NRG1: variants seen among roughly 807,000 people sequenced by gnomAD.
The protein encoded by NRG1 is neuregulin 1.
In NRG1, 18 loss-of-function variants were observed where a neutral mutation model predicts 63.8. The observed-to-expected ratio is 0.28, with a 90% CI of 0.19 to 0.42. NRG1 has a LOEUF of 0.42. Among genes scored for constraint, NRG1 ranks in the 10% least tolerant of loss-of-function variants. The pLI, the probability that NRG1 is intolerant of heterozygous loss-of-function variation, is 1.00. For missense variants in NRG1, 762 were observed against 814.7 expected (o/e 0.94, Z 0.79); for synonymous variants, 302 against 301.3 (o/e 1.00, Z -0.02).
intron 1 of NRG1, among the ~76,000 whole-genome samples, chr8:31,654,686 A>G (rs1805247862): frequency 6.6e-6 from 1 of 152,196 alleles, no homozygotes; most frequent in South Asian, 2.1e-4. Flanking sequence ...GCCTGTAATC[A>G]CAGTGCTTTG....
chr8:31,866,699 T>C (rs1183387745), intron 1 of NRG1, among the ~76,000 whole-genome samples: 3 of 152,186 alleles, frequency 2.0e-5, no homozygotes, highest in African/African-American at 4.8e-5. Context: ...TTATTCTCTG[T>C]AAGAGCTTGT....
intron 1 of NRG1, among the ~76,000 whole-genome samples, chr8:31,775,764 T>C (rs1819059986): frequency 1.3e-5 from 2 of 151,054 alleles, no homozygotes; most frequent in Admixed American, 6.6e-5. Context: ...GTGCCTGTAG[T>C]CCCAGCTACT....
intron 1 of NRG1, among the ~76,000 whole-genome samples, chr8:31,753,603 C>T (rs986050742): frequency 2.6e-5 from 4 of 152,134 alleles, no homozygotes; most frequent in South Asian, 2.1e-4. Flanking sequence ...GTGGAGACTG[C>T]GGCATTCACC....
chr8:31,853,218 C>G (rs970609890), intron 1 of NRG1, among the ~76,000 whole-genome samples: 2 of 152,120 alleles, frequency 1.3e-5, no homozygotes, highest in Non-Finnish European at 2.9e-5. Context: ...GTCATTTTCA[C>G]GATATTGATT....
At position 32,517,207 on chromosome 8, in the gene NRG1, C is replaced by T. The variant is rs192494426; in HGVS notation, c.38-78621C>T. ...TTTTCCAACCACATTGTCCTCTTTT[C>T]TTTTTATAAAATACATCAAATTCCT... On this transcript the variant is annotated intron_variant, in intron 1 of 10. Coordinates refer to the NRG1 transcript ENST00000519301. Among the ~76,000 whole-genome samples the T allele has an allele frequency of 2.8e-3, 428 of 152,204 alleles. 3 individuals are homozygous for T. The highest frequency in any genetic ancestry group is 9.9e-3 in the African/African-American group (411 of 41,554).
chr8:32,400,255 G>A (rs1812999367), intron 1 of NRG1, among the ~76,000 whole-genome samples: 1 of 152,104 alleles, frequency 6.6e-6, no homozygotes, highest in Non-Finnish European at 1.5e-5. Flanking sequence ...AGGCCAATGT[G>A]GGTGAATCAC....
chr8:32,347,118 C>G (rs556625741), intron 1 of NRG1, among the ~76,000 whole-genome samples: 60 of 152,206 alleles, frequency 3.9e-4, no homozygotes, highest in African/African-American at 1.4e-3. Context: ...CATGAGCCAC[C>G]GTGCCCGGCC....
At chr8:32,581,463 C>A (rs898678611) in intron 1 of NRG1, among the ~76,000 whole-genome samples, 2 of 152,176 alleles carry the variant, frequency 1.3e-5, no homozygotes, top group Non-Finnish European at 2.9e-5. Context: ...CACAGATTGA[C>A]TTTGCTCATT....
At chr8:32,595,766 G>A in intron 1 of NRG1, 62 bp from the exon 2 acceptor site, 3 of 1,489,456 alleles carry the variant, frequency 2.0e-6, no homozygotes, top group Non-Finnish European at 1.8e-6. Context: ...CAGATTAAAT[G>A]TTTCTCTTTG....
intron 5 of NRG1, among the ~76,000 whole-genome samples, chr8:32,628,749 T>C (rs571564493): frequency 1.3e-5 from 2 of 150,030 alleles, no homozygotes; most frequent in South Asian, 4.2e-4. Flanking sequence ...TTTTTTTTTT[T>C]TGATATGAAG....
intron 9 of NRG1, 117 bp downstream of exon 9, chr8:32,756,646 C>T (rs1348824766): frequency 2.2e-6 from 3 of 1,366,282 alleles, no homozygotes; most frequent in Non-Finnish European, 2.9e-6. Flanking sequence ...ACCATGGCTT[C>T]CAGGAATCCA....
At chr8:32,404,502 A>G (rs1314001731) in intron 1 of NRG1, among the ~76,000 whole-genome samples, 2 of 148,308 alleles carry the variant, frequency 1.3e-5, no homozygotes, top group East Asian at 3.9e-4. Flanking sequence ...CAGCATTCAC[A>G]CCTCCATTTC....
intron 1 of NRG1, among the ~76,000 whole-genome samples, chr8:32,249,860 T>C (rs1367261914): frequency 6.6e-6 from 1 of 151,988 alleles, no homozygotes; most frequent in African/African-American, 2.4e-5. Context: ...CATTGCAAAA[T>C]GGAGAACATT....
chr8:32,106,358 T>C (rs2131401944), intron 1 of NRG1, among the ~76,000 whole-genome samples: 1 of 152,358 alleles, frequency 6.6e-6, no homozygotes, highest in Non-Finnish European at 1.5e-5. Flanking sequence ...TGGAAGTCAG[T>C]TAAAATGTAT....
At chr8:32,619,927 G>A (rs533192780) in intron 5 of NRG1, among the ~76,000 whole-genome samples, 15 of 152,108 alleles carry the variant, frequency 9.9e-5, no homozygotes, top group African/African-American at 2.7e-4. Flanking sequence ...TAAACCAGTC[G>A]TGGCAGGAAC....
At chr8:31,742,317 T>C (rs143173341) in intron 1 of NRG1, among the ~76,000 whole-genome samples, 121 of 152,098 alleles carry the variant, frequency 8.0e-4, no homozygotes, top group African/African-American at 2.6e-3. Flanking sequence ...CTCAGTCTGA[T>C]AGTAGAAAGA....
chr8:31,942,159 C>G (rs980064880), intron 1 of NRG1, among the ~76,000 whole-genome samples: 1 of 152,100 alleles, frequency 6.6e-6, no homozygotes, highest in African/African-American at 2.4e-5. Flanking sequence ...CAATAGTCAC[C>G]AAAACAGCAT....
intron 1 of NRG1, among the ~76,000 whole-genome samples, chr8:32,132,062 G>A (rs966568177): frequency 2.6e-5 from 4 of 151,920 alleles, no homozygotes; most frequent in African/African-American, 7.3e-5. Context: ...TGGCAATTGG[G>A]CTGAAGCCAC....
intron 1 of NRG1, among the ~76,000 whole-genome samples, chr8:31,770,984 G>A (rs1314755870): frequency 6.6e-6 from 1 of 151,896 alleles, no homozygotes; most frequent in Non-Finnish European, 1.5e-5. Context: ...CTAAACCATA[G>A]ATCTTTTCCA....
Sources: allele counts gnomAD v4.1 joint callset (sites outside exome capture counted in the v4.1 genomes callset), GRCh38; gene constraint gnomAD v4.1.1; transcripts MANE v1.5; gene names NCBI Gene and HGNC (gene_info 2026-07-23, HGNC 2026-07-21).